The following NR3C2 variants were observed in gnomAD, a reference collection of about 807,000 sequenced individuals.
NR3C2 encodes mineralocorticoid receptor.
A neutral mutation model predicts 86.4 loss-of-function variants in NR3C2; 15 were observed. The observed-to-expected ratio is 0.17, with a 90% CI of 0.12 to 0.27. NR3C2 has a LOEUF of 0.27. NR3C2 is among the 10% of genes least tolerant of loss of function. The pLI is 1.00. For synonymous variants in NR3C2, 458 were observed against 450.5 expected, an observed-to-expected ratio of 1.02 and a Z score of -0.21; for missense variants, 960 against 1,195.6, an observed-to-expected ratio of 0.80 and a Z score of 2.91.
rs1730537203 is a variant in NR3C2, at chr4:148,081,204, C to CTGACA, written c.*135_*139dup. On this transcript the variant is annotated 3_prime_UTR_variant, in exon 9 of 9. Coordinates refer to ENST00000358102, the MANE Select transcript of NR3C2 (RefSeq NM_000901.5). ...AAACAGCTTTCCCGGCTCCAAACCT[C>CTGACA]TGACATGACTTTAAACTTGAGAAAC... 1 of 1,250,414 alleles carries CTGACA rather than the reference C, an allele frequency of 8.0e-7. No individual in the cohort carries two copies. The highest frequency in any genetic ancestry group is 1.1e-6 in the Non-Finnish European group (1 of 873,926). 77.5% of individuals were successfully genotyped at this position (1,250,414 alleles called of 1,614,324 possible). A position where few individuals can be genotyped will look rare whatever the true frequency, so the allele number is the denominator to read the frequency against.
intron 1 of NR3C2, among the ~76,000 whole-genome samples, chr4:148,441,836 C>A (rs1252555985): frequency 6.6e-6 from 1 of 152,222 alleles, no homozygotes; most frequent in Non-Finnish European, 1.5e-5. Context: ...ATTATTCAAA[C>A]GTCCTTTAAA....
chr4:148,183,088 T>C, intron 4 of NR3C2, among the ~76,000 whole-genome samples: 1 of 152,204 alleles, frequency 6.6e-6, no homozygotes. Context: ...TTTCTGTCCT[T>C]ATGATAGTTT....
intron 6 of NR3C2, among the ~76,000 whole-genome samples, chr4:148,144,389 G>GT (rs1055656272): frequency 1.3e-4 from 20 of 152,090 alleles, no homozygotes; most frequent in Admixed American, 3.9e-4. Context: ...TAGAGACAGG[G>GT]TTTTTGTTGC....
intron 2 of NR3C2, among the ~76,000 whole-genome samples, chr4:148,415,466 AAC>A (rs1192687642): frequency 6.6e-6 from 1 of 152,230 alleles, no homozygotes; most frequent in Non-Finnish European, 1.5e-5. Flanking sequence ...ATTATAAACA[AAC>A]AATTTCATTT....
intron 2 of NR3C2, among the ~76,000 whole-genome samples, chr4:148,312,232 A>C (rs1477687736): frequency 6.6e-6 from 1 of 152,182 alleles, no homozygotes; most frequent in African/African-American, 2.4e-5. Flanking sequence ...ATAAAAGACA[A>C]AGGTAACAAA....
chr4:148,401,524 C>T (rs1035172071), intron 2 of NR3C2, among the ~76,000 whole-genome samples: 14 of 137,482 alleles, frequency 1.0e-4, no homozygotes, highest in East Asian at 2.3e-4. Context: ...AGTGCAGTGG[C>T]GCAATCTAGG....
chr4:148,417,509 TATATA>T (rs1280931689), intron 2 of NR3C2, among the ~76,000 whole-genome samples: 5 of 152,216 alleles, frequency 3.3e-5, no homozygotes, highest in Non-Finnish European at 7.3e-5. Context: ...TAGATGGTTT[TATATA>T]ATATGTTTTT....
At chr4:148,220,528 A>G (rs1360619866) in intron 3 of NR3C2, among the ~76,000 whole-genome samples, 1 of 152,224 alleles carries the variant, frequency 6.6e-6, no homozygotes, top group Non-Finnish European at 1.5e-5. Context: ...TTTCCTGGCC[A>G]GGCATGGTGG....
At chr4:148,442,768 A>G (rs1479750672), upstream of NR3C2, 1 of 985,288 alleles carries the variant, frequency 1.0e-6, no homozygotes, top group Non-Finnish European at 1.2e-6. Context: ...GGCGGTGGCT[A>G]CATCAGGCGG....
chr4:148,107,436 G>A (rs1361282430), intron 8 of NR3C2, among the ~76,000 whole-genome samples: 1 of 152,194 alleles, frequency 6.6e-6, no homozygotes, highest in Non-Finnish European at 1.5e-5. Context: ...AAGACAGTGT[G>A]GTGATTCCTC....
chr4:148,355,439 C>A (rs1207029115), intron 2 of NR3C2, among the ~76,000 whole-genome samples: 1 of 152,208 alleles, frequency 6.6e-6, no homozygotes, highest in Non-Finnish European at 1.5e-5. Flanking sequence ...TACTCCCACT[C>A]TGAACCCTCT....
At chr4:148,378,606 C>T (rs1746796532) in intron 2 of NR3C2, among the ~76,000 whole-genome samples, 1 of 152,052 alleles carries the variant, frequency 6.6e-6, no homozygotes, top group African/African-American at 2.4e-5. Context: ...GTGGAACCTC[C>T]CCTGTCTCTT....
chr4:148,200,302 C>T (rs1012210356), intron 3 of NR3C2, among the ~76,000 whole-genome samples: 1 of 152,196 alleles, frequency 6.6e-6, no homozygotes, highest in Non-Finnish European at 1.5e-5. Context: ...CTGAATGTCT[C>T]TGACACTTCA....
rs117522960 is a variant in NR3C2 at position 148,349,240 on chromosome 4, C to T, written c.1757+85864G>A. Among the ~76,000 whole-genome samples the T allele has an allele frequency of 2.3e-4, 35 of 152,184 alleles. No homozygotes were observed. In the East Asian group the frequency reaches 4.6e-3, roughly 20 times the overall value. ...CTCTTGTTGAAAATTCCAGTACAAA[C>T]GACGCAAAATGAGTCTTCACATTTC... On this transcript the variant is annotated intron_variant, in intron 2 of 8. Transcript: ENST00000358102.
intron 2 of NR3C2, among the ~76,000 whole-genome samples, chr4:148,295,838 TG>T (rs1036714737): frequency 6.6e-6 from 1 of 151,968 alleles, no homozygotes; most frequent in Non-Finnish European, 1.5e-5. Context: ...GATGTCACAG[TG>T]GCAGGTCACG....
intron 2 of NR3C2, among the ~76,000 whole-genome samples, chr4:148,420,683 A>G (rs571693308): frequency 1.3e-5 from 2 of 152,238 alleles, no homozygotes; most frequent in Admixed American, 6.5e-5. Flanking sequence ...GTAATCCCCA[A>G]TGTTGGAGAT....
At chr4:148,376,373 C>T (rs1746681368) in intron 2 of NR3C2, among the ~76,000 whole-genome samples, 1 of 152,106 alleles carries the variant, frequency 6.6e-6, no homozygotes, top group Admixed American at 6.5e-5. Context: ...TTTTGCCCAA[C>T]AGGAAGAACA....
At chr4:148,352,012 T>C (rs745316678) in intron 2 of NR3C2, among the ~76,000 whole-genome samples, 1 of 152,188 alleles carries the variant, frequency 6.6e-6, no homozygotes, top group Non-Finnish European at 1.5e-5. Flanking sequence ...AATTCTGGAA[T>C]ATTATTCTTA....
chr4:148,419,637 A>G (rs576896138), intron 2 of NR3C2, among the ~76,000 whole-genome samples: 1 of 152,216 alleles, frequency 6.6e-6, no homozygotes, highest in Non-Finnish European at 1.5e-5. Context: ...CATTCTTTAC[A>G]TATCAGTGAC....
Sources: allele counts gnomAD v4.1 joint callset (sites outside exome capture counted in the v4.1 genomes callset), GRCh38; gene constraint gnomAD v4.1.1; transcripts MANE v1.5; gene names NCBI Gene and HGNC (gene_info 2026-07-23, HGNC 2026-07-21).